Variants in ERC2 observed in about 807,000 individuals in gnomAD.
ERC2 encodes ELKS/RAB6-interacting/CAST family member 2.
A neutral mutation model predicts 114.8 loss-of-function variants in ERC2; 42 were observed. The ratio of observed to expected loss-of-function variants is 0.37; its 90% CI spans 0.29 to 0.47. ERC2 has a LOEUF of 0.47. Ranked by LOEUF, ERC2 falls within the 20% of genes least tolerant of loss-of-function variation. The pLI is 0.99. For missense variants in ERC2, 939 were observed against 1,150.7 expected (o/e 0.82, Z 2.66); for synonymous variants, 454 against 425.5 (o/e 1.07, Z -0.82).
chr3:55,870,649 T>G (rs901177384), intron 14 of ERC2, among the ~76,000 whole-genome samples: 4 of 152,138 alleles, frequency 2.6e-5, no homozygotes, highest in Admixed American at 2.0e-4. Flanking sequence ...ACCCTCGTGC[T>G]AATGCAACCC....
At chr3:56,348,925 A>G (rs1226586726) in intron 2 of ERC2, among the ~76,000 whole-genome samples, 1,913 of 142,970 alleles carry the variant, frequency 0.013, 20 homozygotes, top group Middle Eastern at 0.028. Context: ...GGAAGGAAGG[A>G]AGGAAGGAAG....
chr3:56,008,632 G>A (rs560433815), intron 9 of ERC2, among the ~76,000 whole-genome samples: 1 of 152,216 alleles, frequency 6.6e-6, no homozygotes, highest in East Asian at 1.9e-4. Context: ...TAGTCAACTT[G>A]GCTAGGCTCT....
intron 7 of ERC2, among the ~76,000 whole-genome samples, chr3:56,036,114 G>T (rs1336664523): frequency 6.6e-6 from 1 of 152,028 alleles, no homozygotes; most frequent in Non-Finnish European, 1.5e-5. Context: ...AAAATCACAG[G>T]ATCATCCCAA....
At chr3:56,016,081 A>T (rs2073286459) in intron 8 of ERC2, among the ~76,000 whole-genome samples, 3 of 152,158 alleles carry the variant, frequency 2.0e-5, no homozygotes. Flanking sequence ...AACTTGTTTA[A>T]GTTCCTTGCA....
intron 13 of ERC2, among the ~76,000 whole-genome samples, chr3:55,901,197 G>C (rs1343797230): frequency 6.6e-6 from 1 of 152,162 alleles, no homozygotes; most frequent in Non-Finnish European, 1.5e-5. Context: ...TATCTGTTTT[G>C]ATCCCAGCAC....
At chr3:56,195,641 G>T (rs1460409703) in intron 3 of ERC2, among the ~76,000 whole-genome samples, 1 of 151,738 alleles carries the variant, frequency 6.6e-6, no homozygotes, top group South Asian at 2.1e-4. Context: ...ACCAGCCTGG[G>T]CAACATAGGA....
intron 3 of ERC2, among the ~76,000 whole-genome samples, chr3:56,207,457 A>T (rs2150113259): frequency 6.6e-6 from 1 of 152,280 alleles, no homozygotes; most frequent in Non-Finnish European, 1.5e-5. Flanking sequence ...CTGGTATCAT[A>T]TGATATATAA....
intron 17 of ERC2, among the ~76,000 whole-genome samples, chr3:55,564,565 C>T (rs1192629276): frequency 2.0e-5 from 3 of 152,168 alleles, no homozygotes; most frequent in Non-Finnish European, 4.4e-5. Context: ...CTAAGTACAC[C>T]GTCCTTCTTA....
chr3:55,900,667 A>T (rs1328304827), intron 13 of ERC2, among the ~76,000 whole-genome samples: 3 of 152,176 alleles, frequency 2.0e-5, no homozygotes, highest in African/African-American at 4.8e-5. Flanking sequence ...AACAATAGGG[A>T]GTGGCTTCCC....
chr3:56,119,070 T>C (rs1376324322), intron 6 of ERC2, among the ~76,000 whole-genome samples: 3 of 152,222 alleles, frequency 2.0e-5, no homozygotes, highest in Non-Finnish European at 2.9e-5. Context: ...AAAGAATCTA[T>C]AGACAATATG....
At chr3:55,966,862 C>A (rs2068784201) in intron 12 of ERC2, among the ~76,000 whole-genome samples, 2 of 152,176 alleles carry the variant, frequency 1.3e-5, no homozygotes, top group African/African-American at 4.8e-5. Context: ...CTCCTTCTCA[C>A]CACAGAAAAC....
rs367708092 is a variant in ERC2 at position 55,877,748 on chromosome 3, A to G, written c.2564+10641T>C. Reference sequence around the variant, plus strand: ...TGCTGGTCTCGAACTCCTGAGCCCAAGTGATCCACTGGCCTCAGCCTCCCA... The same window carrying G: ...TGCTGGTCTCGAACTCCTGAGCCCAGGTGATCCACTGGCCTCAGCCTCCCA... On this transcript the variant is annotated intron_variant, in intron 14 of 17. Transcript: ENST00000288221. Among the ~76,000 whole-genome samples the G allele has an allele frequency of 2.6e-5, 4 of 151,954 alleles. No individual in the cohort carries two copies. The East Asian group carries it at 7.7e-4, about 29-fold the overall frequency.
intron 2 of ERC2, among the ~76,000 whole-genome samples, chr3:56,409,991 T>C (rs2107094470): frequency 6.6e-6 from 1 of 152,336 alleles, no homozygotes; most frequent in East Asian, 1.9e-4. Flanking sequence ...CATAAGCTGT[T>C]GTGGGCAGAC....
intron 2 of ERC2, among the ~76,000 whole-genome samples, chr3:56,364,712 C>T (rs963610086): frequency 8.5e-5 from 13 of 152,112 alleles, no homozygotes; most frequent in Admixed American, 5.9e-4. Context: ...AGAATAATTG[C>T]CATTTTTAAA....
intron 17 of ERC2, among the ~76,000 whole-genome samples, chr3:55,592,405 C>G (rs751793139): frequency 6.6e-6 from 1 of 152,170 alleles, no homozygotes; most frequent in Admixed American, 6.5e-5. Context: ...TCTGCCCTCT[C>G]CTTCTGGGAA....
intron 17 of ERC2, among the ~76,000 whole-genome samples, chr3:55,649,033 G>A (rs570590745): frequency 6.6e-6 from 1 of 152,068 alleles, no homozygotes; most frequent in Non-Finnish European, 1.5e-5. Flanking sequence ...AGAACCTGGG[G>A]CTTATCCCAC....
chr3:56,367,761 T>A (rs1008440700), intron 2 of ERC2, among the ~76,000 whole-genome samples: 2 of 152,050 alleles, frequency 1.3e-5, no homozygotes, highest in Non-Finnish European at 1.5e-5. Flanking sequence ...AAATCCTGAA[T>A]AGCAAAAGCT....
intron 16 of ERC2, among the ~76,000 whole-genome samples, chr3:55,698,349 C>G (rs2063043158): frequency 1.3e-5 from 2 of 152,004 alleles, no homozygotes; most frequent in African/African-American, 2.4e-5. Flanking sequence ...GACTTGTACT[C>G]CAGGTAAAAC....
intron 2 of ERC2, among the ~76,000 whole-genome samples, chr3:56,303,444 C>T (rs553726528): frequency 6.6e-6 from 1 of 152,300 alleles, no homozygotes; most frequent in South Asian, 2.1e-4. Context: ...CAGTTTCAAA[C>T]ATGCAGCTCT....
Sources: gnomAD v4.1 joint callset for allele counts (sites outside exome capture counted in the v4.1 genomes callset) on GRCh38, gnomAD v4.1.1 for gene constraint, MANE v1.5 for transcripts, NCBI Gene and HGNC (gene_info 2026-07-23, HGNC 2026-07-21) for gene names.